The following PTPRQ variants were observed in gnomAD, a reference collection of about 807,000 sequenced individuals.
The protein encoded by PTPRQ is phosphatidylinositol phosphatase PTPRQ.
PTPRQ carries 199 observed loss-of-function variants against 246.0 expected under a neutral mutation model. The observed-to-expected ratio is 0.81, with a 90% CI of 0.72 to 0.91. PTPRQ has a LOEUF of 0.91. Among genes scored for constraint, PTPRQ ranks in the 40% least tolerant of loss-of-function variants. PTPRQ has a pLI of 0.00. For missense variants in PTPRQ, 2,624 were observed against 2,528.4 expected (o/e 1.04, Z -0.81); for synonymous variants, 869 against 853.2 (o/e 1.02, Z -0.32).
At chr12:80,446,610 C>T (rs74701794) in intron 3 of PTPRQ, among the ~76,000 whole-genome samples, 1,616 of 151,726 alleles carry the variant, frequency 0.011, 23 homozygotes, top group African/African-American at 0.036. Flanking sequence ...TTTGAAATCC[C>T]GTGTTTATTA....
intron 34 of PTPRQ, among the ~76,000 whole-genome samples, 161 bp downstream of exon 34, chr12:80,632,452 A>T (rs1409236710): frequency 6.6e-6 from 1 of 152,210 alleles, no homozygotes; most frequent in Non-Finnish European, 1.5e-5. Context: ...ATGATACTTT[A>T]AAGTGTATAT....
intron 3 of PTPRQ, among the ~76,000 whole-genome samples, chr12:80,456,265 C>T (rs1482898070): frequency 6.6e-6 from 1 of 152,020 alleles, no homozygotes; most frequent in Non-Finnish European, 1.5e-5. Flanking sequence ...AATTAAAGAA[C>T]ACGATCAGAA....
chr12:80,628,553 G>T (rs1017028859), intron 33 of PTPRQ, among the ~76,000 whole-genome samples: 1 of 151,850 alleles, frequency 6.6e-6, no homozygotes, highest in Non-Finnish European at 1.5e-5. Flanking sequence ...TTCTTATTTG[G>T]TTCAATGCCT....
chr12:80,484,306 C>A, intron 8 of PTPRQ, 127 bp from the exon 9 acceptor site: 2 of 1,201,866 alleles, frequency 1.7e-6, no homozygotes, highest in Non-Finnish European at 2.3e-6. Context: ...CGCACCTAGC[C>A]TAGTCTGTTT....
At chr12:80,616,848 A>G (rs1220206244) in intron 30 of PTPRQ, among the ~76,000 whole-genome samples, 4 of 151,148 alleles carry the variant, frequency 2.6e-5, no homozygotes, top group Non-Finnish European at 4.4e-5. Flanking sequence ...AACCCAAAAA[A>G]GATGATTAAG....
chr12:80,500,749 G>A (rs999714213), intron 14 of PTPRQ, among the ~76,000 whole-genome samples: 3 of 151,834 alleles, frequency 2.0e-5, no homozygotes, highest in Non-Finnish European at 2.9e-5. Flanking sequence ...TTCTACCACC[G>A]TACTAGGTAG....
intron 33 of PTPRQ, among the ~76,000 whole-genome samples, chr12:80,629,078 A>G (rs1481786313): frequency 1.3e-5 from 2 of 151,918 alleles, no homozygotes; most frequent in African/African-American, 4.8e-5. Flanking sequence ...GTGTTCTTAC[A>G]TGGCCTTTCC....
intron 29 of PTPRQ, among the ~76,000 whole-genome samples, chr12:80,614,113 A>G (rs1326332201): frequency 6.6e-6 from 1 of 150,822 alleles, no homozygotes; most frequent in Non-Finnish European, 1.5e-5. Context: ...CATTAAAAGT[A>G]AAAGAACAGT....
rs1042514693 is a variant in PTPRQ at position 80,678,786 on chromosome 12, A to C, written c.6862+61A>C. 1.1e-5 allele frequency: 16 copies of C among 1,475,020 alleles called. No individual in the cohort carries two copies. In the Admixed American group the frequency reaches 2.3e-4, roughly 21 times the overall value. 91.4% of individuals were successfully genotyped at this position (1,475,020 alleles called of 1,614,324 possible). On this transcript the variant is annotated intron_variant, in intron 44 of 44. Coordinates refer to ENST00000644991, the MANE Select transcript of PTPRQ (RefSeq NM_001145026.2). ...GTTTACCACCTACGGTAAGAACATA[A>C]ATTTCAGAATAACCATATGTTAAAA... is the stretch of plus-strand genomic sequence containing the variant.
At chr12:80,587,905 G>T (rs1011358384) in intron 25 of PTPRQ, among the ~76,000 whole-genome samples, 1 of 152,090 alleles carries the variant, frequency 6.6e-6, no homozygotes, top group African/African-American at 2.4e-5. Context: ...GCAAAATCAA[G>T]AATTAATAAA....
At position 80,506,602 on chromosome 12, in the gene PTPRQ, T is replaced by C. The variant is rs12579151; in HGVS notation, c.2489T>C (p.Val830Ala). The C allele has an allele frequency of 6.2e-3, 9,521 of 1,541,072 alleles. 320 individuals are homozygous for C. The Admixed American group carries it at 0.082, about 13-fold the overall frequency. ...AAATATACCCAATATATCATTGAGG[T>C]GTCTGCTAGTACACTCAAAGGTGAA... ...LKKYTQYIIE[V>A]SASTLKGEGV... Residue 830 changes from valine (V) to alanine (A), a missense_variant, in exon 16 of 45, where the codon GTG becomes GCG. By Grantham distance (64) the Val-to-Ala change is moderately conservative (BLOSUM62 0). Transcript: ENST00000644991.
At chr12:80,499,551 C>T (rs1161890696) in intron 14 of PTPRQ, among the ~76,000 whole-genome samples, 1 of 151,852 alleles carries the variant, frequency 6.6e-6, no homozygotes, top group Non-Finnish European at 1.5e-5. Flanking sequence ...ATTATACCTT[C>T]TATTCATGTA....
intron 35 of PTPRQ, among the ~76,000 whole-genome samples, chr12:80,636,458 T>C (rs904389112): frequency 2.0e-5 from 3 of 152,184 alleles, no homozygotes; most frequent in Non-Finnish European, 4.4e-5. Context: ...TTTCCTCCTT[T>C]TCCCCTATGG....
intron 12 of PTPRQ, 50 bp from the exon 13 acceptor site, chr12:80,495,949 C>T (rs1020762616): frequency 9.2e-6 from 14 of 1,523,600 alleles, no homozygotes; most frequent in Non-Finnish European, 1.1e-5. Context: ...GCACCAATCC[C>T]AAGAGTATTA....
chr12:80,570,568 G>A (rs889089654), intron 25 of PTPRQ, among the ~76,000 whole-genome samples: 1 of 152,046 alleles, frequency 6.6e-6, no homozygotes, highest in African/African-American at 2.4e-5. Flanking sequence ...CTTTTGCTGT[G>A]CAGAAGCTCT....
chr12:80,517,772 C>A (rs1895349697), intron 17 of PTPRQ, among the ~76,000 whole-genome samples: 1 of 151,954 alleles, frequency 6.6e-6, no homozygotes, highest in Non-Finnish European at 1.5e-5. Context: ...TCATTTGTGC[C>A]TGACTTATTT....
chr12:80,525,570 A>G (rs186624695), intron 17 of PTPRQ, among the ~76,000 whole-genome samples: 149 of 151,926 alleles, frequency 9.8e-4, no homozygotes, highest in African/African-American at 3.2e-3. Context: ...TTTCTCCAGG[A>G]GTGTGATCAT....
At chr12:80,538,831 C>G (rs1353582543) in intron 19 of PTPRQ, among the ~76,000 whole-genome samples, 3 of 151,842 alleles carry the variant, frequency 2.0e-5, no homozygotes, top group Non-Finnish European at 4.4e-5. Context: ...TCATCTAATC[C>G]TCACAAGTTG....
intron 25 of PTPRQ, among the ~76,000 whole-genome samples, chr12:80,571,764 A>G (rs1897152728): frequency 6.6e-6 from 1 of 152,086 alleles, no homozygotes; most frequent in South Asian, 2.1e-4. Context: ...ACTATTTTAA[A>G]GATACTTTTA....
Sources: gnomAD v4.1 joint callset for allele counts (sites outside exome capture counted in the v4.1 genomes callset) on GRCh38, gnomAD v4.1.1 for gene constraint, MANE v1.5 for transcripts, NCBI Gene and HGNC (gene_info 2026-07-23, HGNC 2026-07-21) for gene names.